The following FOCAD variants were observed in gnomAD, a reference collection of about 807,000 sequenced individuals.
The protein encoded by FOCAD is focadhesin, also known as KIAA1797.
A neutral mutation model predicts 225.6 loss-of-function variants in FOCAD; 198 were observed. The observed-to-expected ratio is 0.88, with a 90% CI of 0.78 to 0.99. The LOEUF (loss-of-function observed/expected upper bound fraction) is 0.99, where lower values mean the gene tolerates loss of function less well. FOCAD is among the 50% of genes least tolerant of loss of function. FOCAD has a pLI of 0.00. For missense variants in FOCAD, 2,713 were observed against 2,123.6 expected, an observed-to-expected ratio of 1.28 and a Z score of -5.46; for synonymous variants, 897 against 755.0, an observed-to-expected ratio of 1.19 and a Z score of -3.08.
chr9:20,991,291 C>T (rs947732123), intron 42 of FOCAD, among the ~76,000 whole-genome samples: 4 of 152,080 alleles, frequency 2.6e-5, no homozygotes, highest in African/African-American at 9.7e-5. Flanking sequence ...TTTTGAATCT[C>T]ATTTAATCAA....
chr9:20,966,518 C>T (rs377357836), intron 35 of FOCAD, among the ~76,000 whole-genome samples: 5 of 152,026 alleles, frequency 3.3e-5, no homozygotes, highest in East Asian at 3.8e-4. Context: ...TTTTTAACTT[C>T]GACAGAGTCC....
chr9:20,926,982 G>C lies in FOCAD; in HGVS notation c.3078+565G>C, dbSNP rs1340496733. Among the ~76,000 whole-genome samples, 4 of 148,256 alleles carry C rather than the reference G, an allele frequency of 2.7e-5. No homozygotes were observed. The East Asian group carries it at 7.8e-4, about 29-fold the overall frequency. ...GTAAATATTAATGTTATATATGTAC[G>C]TACATATGCATATATAATGTGAAAT... On this transcript the variant is annotated intron_variant, in intron 26 of 43. Transcript: ENST00000338382.
chr9:20,830,620 A>T (rs994209790), intron 15 of FOCAD, among the ~76,000 whole-genome samples: 2 of 152,096 alleles, frequency 1.3e-5, no homozygotes, highest in African/African-American at 4.8e-5. Context: ...CGTTGAATGA[A>T]AATATTAGTA....
intron 15 of FOCAD, among the ~76,000 whole-genome samples, chr9:20,852,617 A>G (rs533267418): frequency 5.3e-5 from 8 of 151,874 alleles, no homozygotes; most frequent in African/African-American, 7.2e-5. Context: ...ATTCCTAAAA[A>G]CTTTATCTTT....
rs559048336 is a variant in FOCAD, at chr9:20,972,769, C to T, written c.4133-3651C>T. ...GCTTCTCCTTTTTGCAGCTATTTTC[C>T]TTCTGTTGACTCTGCCCTATTTCTT... is the stretch of plus-strand genomic sequence containing the variant. On this transcript the variant is annotated intron_variant, in intron 35 of 43. Coordinates refer to ENST00000338382, the MANE Select transcript of FOCAD (RefSeq NM_001375567.1). 2.6e-5 allele frequency among the ~76,000 whole-genome samples: 4 copies of T among 152,174 alleles called. No individual in the cohort carries two copies. In the South Asian group the frequency reaches 6.2e-4, roughly 24 times the overall value.
intron 2 of FOCAD, among the ~76,000 whole-genome samples, chr9:20,665,883 T>C (rs1031636066): frequency 4.0e-5 from 6 of 151,452 alleles, no homozygotes; most frequent in African/African-American, 1.5e-4. Context: ...ATACAAAAAT[T>C]ATATATTTTA....
At chr9:20,977,419 A>G (rs774417557) in intron 36 of FOCAD, among the ~76,000 whole-genome samples, 1 of 152,222 alleles carries the variant, frequency 6.6e-6, no homozygotes, top group Non-Finnish European at 1.5e-5. Flanking sequence ...CAAACAGAAT[A>G]CACACCTCAA....
intron 11 of FOCAD, among the ~76,000 whole-genome samples, chr9:20,814,405 G>T (rs1241845327): frequency 6.6e-6 from 1 of 151,292 alleles, no homozygotes; most frequent in Non-Finnish European, 1.5e-5. Context: ...GCCCAGGCTG[G>T]AGTATAGTGG....
intron 4 of FOCAD, among the ~76,000 whole-genome samples, chr9:20,733,112 GTTAA>G (rs1406791567): frequency 1.3e-5 from 2 of 152,032 alleles, no homozygotes; most frequent in Non-Finnish European, 2.9e-5. Context: ...ACCTTGATTT[GTTAA>G]TTAACTCTTC....
At chr9:20,840,607 T>TA (rs398113331) in intron 15 of FOCAD, among the ~76,000 whole-genome samples, 9 of 151,238 alleles carry the variant, frequency 6.0e-5, no homozygotes, top group Middle Eastern at 3.2e-3. Context: ...TTTTTTTTTT[T>TA]AATTCTTTAA....
intron 21 of FOCAD, among the ~76,000 whole-genome samples, chr9:20,906,749 C>G (rs1466280771): frequency 6.6e-6 from 1 of 151,982 alleles, no homozygotes; most frequent in Non-Finnish European, 1.5e-5. Flanking sequence ...TATTGGAAAT[C>G]CAGGATATGA....
intron 23 of FOCAD, among the ~76,000 whole-genome samples, chr9:20,914,177 C>T (rs1833683283): frequency 6.6e-6 from 1 of 151,788 alleles, no homozygotes; most frequent in Non-Finnish European, 1.5e-5. Flanking sequence ...CTCATCCTCA[C>T]TTAATTGGAA....
intron 7 of FOCAD, among the ~76,000 whole-genome samples, chr9:20,766,562 A>C (rs1434550495): frequency 6.6e-6 from 1 of 152,054 alleles, no homozygotes; most frequent in East Asian, 1.9e-4. Flanking sequence ...TCTCAGAACA[A>C]AATGAAATAA....
chr9:20,684,952 T>C (rs544287448), intron 1 of FOCAD, among the ~76,000 whole-genome samples: 1 of 152,378 alleles, frequency 6.6e-6, no homozygotes, highest in South Asian at 2.1e-4. Context: ...GCAGTTATGT[T>C]GCATTTACCC....
upstream of FOCAD, chr9:20,683,430 C>A (rs1563873392): frequency 6.6e-6 from 1 of 152,050 alleles, no homozygotes; most frequent in Non-Finnish European, 1.5e-5. Context: ...CATCCACAAC[C>A]GGAATTCCAC....
At chr9:20,767,789 G>C (rs1365580738) in intron 7 of FOCAD, among the ~76,000 whole-genome samples, 1 of 148,832 alleles carries the variant, frequency 6.7e-6, no homozygotes, top group Non-Finnish European at 1.5e-5. Flanking sequence ...TGTTCACTCT[G>C]ATGGTAGTTT....
intron 1 of FOCAD, chr9:20,684,807 G>T (rs1026335547): frequency 2.0e-5 from 3 of 152,310 alleles, no homozygotes; most frequent in African/African-American, 7.2e-5. Flanking sequence ...ATAATGCAAA[G>T]GCTTATGGGT....
intron 18 of FOCAD, among the ~76,000 whole-genome samples, chr9:20,868,974 A>C (rs1278070821): frequency 6.6e-6 from 1 of 152,160 alleles, no homozygotes; most frequent in African/African-American, 2.4e-5. Context: ...CTAAAGACTA[A>C]AAGTCCAGAA....
chr9:20,780,026 T>G (rs1819212890), intron 9 of FOCAD, among the ~76,000 whole-genome samples: 1 of 152,228 alleles, frequency 6.6e-6, no homozygotes, highest in Non-Finnish European at 1.5e-5. Flanking sequence ...AAAGGTATAA[T>G]TTACCCGTGC....
Sources: gnomAD v4.1 joint callset for allele counts (sites outside exome capture counted in the v4.1 genomes callset) on GRCh38, gnomAD v4.1.1 for gene constraint, MANE v1.5 for transcripts, NCBI Gene and HGNC (gene_info 2026-07-23, HGNC 2026-07-21) for gene names.